ADGRL2: variants seen among roughly 807,000 people sequenced by gnomAD.
ADGRL2 encodes the protein calcium-independent alpha-latrotoxin receptor 2.
Under a neutral mutation model 157.4 loss-of-function variants are expected in ADGRL2, and 44 were observed. That is an observed-to-expected ratio of 0.28 (90% CI 0.22 to 0.36). ADGRL2 has a LOEUF of 0.36. Ranked by LOEUF, ADGRL2 falls within the 10% of genes least tolerant of loss-of-function variation. The pLI, the probability that ADGRL2 is intolerant of heterozygous loss-of-function variation, is 1.00. For missense variants in ADGRL2, 1,510 were observed against 1,768.9 expected (o/e 0.85, Z 2.63); for synonymous variants, 585 against 624.7 (o/e 0.94, Z 0.95).
At chr1:81,800,897 G>C (rs1392548070), upstream of ADGRL2, among the ~76,000 whole-genome samples, 2 of 149,506 alleles carry the variant, frequency 1.3e-5, no homozygotes, top group African/African-American at 4.9e-5. Flanking sequence ...GGGGAGGGGC[G>C]CGAGCTGGCG....
At chr1:81,336,765 G>C (rs371165225) in intron 1 of ADGRL2, among the ~76,000 whole-genome samples, 1 of 152,102 alleles carries the variant, frequency 6.6e-6, no homozygotes, top group Admixed American at 6.5e-5. Flanking sequence ...GGCAGTCCCC[G>C]GTGAGGGCCC....
chr1:81,679,946 GGTCT>G (rs1249295649), intron 3 of ADGRL2, among the ~76,000 whole-genome samples: 12 of 152,172 alleles, frequency 7.9e-5, no homozygotes, highest in Non-Finnish European at 1.8e-4. Context: ...CAACTGAGCT[GGTCT>G]ATATTGTAAG....
intron 2 of ADGRL2, among the ~76,000 whole-genome samples, chr1:81,772,114 G>T (rs1423854750): frequency 6.6e-6 from 1 of 151,946 alleles, no homozygotes; most frequent in Non-Finnish European, 1.5e-5. Context: ...GCTGGGCATA[G>T]TGGCGGGCAC....
At chr1:81,461,931 G>GGC (rs1491323721) in intron 2 of ADGRL2, among the ~76,000 whole-genome samples, 223 of 8,218 alleles carry the variant, frequency 0.027, 8 homozygotes, top group Admixed American at 0.041. Context: ...AAAGAAGAAA[G>GGC]GGGGGGGGGG....
At chr1:81,454,014 G>C (rs2077751183) in intron 2 of ADGRL2, among the ~76,000 whole-genome samples, 1 of 152,084 alleles carries the variant, frequency 6.6e-6, no homozygotes, top group African/African-American at 2.4e-5. Flanking sequence ...ATAACAATCA[G>C]TACTTATGGA....
chr1:81,336,120 C>A (rs184553358), intron 1 of ADGRL2, among the ~76,000 whole-genome samples: 5 of 152,168 alleles, frequency 3.3e-5, no homozygotes, highest in African/African-American at 1.2e-4. Context: ...TCCTGATTAA[C>A]GTTCAGTGGC....
chr1:81,507,241 C>T (rs537408482), intron 2 of ADGRL2, among the ~76,000 whole-genome samples: 9 of 152,046 alleles, frequency 5.9e-5, no homozygotes, highest in Non-Finnish European at 1.0e-4. Context: ...AGTATGAGAG[C>T]AATCACCACC....
chr1:81,896,946 G>A (rs1355949508), intron 2 of ADGRL2, among the ~76,000 whole-genome samples: 1 of 152,162 alleles, frequency 6.6e-6, no homozygotes, highest in Non-Finnish European at 1.5e-5. Flanking sequence ...TTATAGTAGT[G>A]AACCAGATAA....
chr1:81,365,242 G>A (rs1419625776), intron 1 of ADGRL2, among the ~76,000 whole-genome samples: 1 of 152,200 alleles, frequency 6.6e-6, no homozygotes, highest in Non-Finnish European at 1.5e-5. Context: ...GGAATTGGAA[G>A]ATGAAATGGT....
intron 1 of ADGRL2, among the ~76,000 whole-genome samples, chr1:81,376,182 C>G (rs1002813576): frequency 6.6e-6 from 1 of 152,164 alleles, no homozygotes; most frequent in Admixed American, 6.5e-5. Flanking sequence ...TTGTTCAATT[C>G]AAAACTGTAA....
chr1:81,989,715 T>G, intron 23 of ADGRL2: 1 of 1,609,996 alleles, frequency 6.2e-7, no homozygotes, highest in Non-Finnish European at 8.5e-7. Context: ...CCAAAGTGAG[T>G]CATTCCACCT....
chr1:81,910,905 A>G (rs1474629500), intron 3 of ADGRL2, among the ~76,000 whole-genome samples: 1 of 151,744 alleles, frequency 6.6e-6, no homozygotes, highest in Non-Finnish European at 1.5e-5. Flanking sequence ...GAATTTTTCC[A>G]TTAAATTTGA....
chr1:81,455,856 A>T (rs1005576624), intron 2 of ADGRL2, among the ~76,000 whole-genome samples: 10 of 152,246 alleles, frequency 6.6e-5, no homozygotes, highest in African/African-American at 2.4e-4. Flanking sequence ...TGAATCAAGG[A>T]TGAGGTCATA....
chr1:81,624,393 C>T (rs944294660), intron 3 of ADGRL2, among the ~76,000 whole-genome samples: 4 of 151,844 alleles, frequency 2.6e-5, no homozygotes, highest in Non-Finnish European at 5.9e-5. Flanking sequence ...CCAGCCTGGC[C>T]AACAAGGTGA....
intron 1 of ADGRL2, among the ~76,000 whole-genome samples, chr1:81,802,029 G>T (rs2088256215): frequency 6.6e-6 from 1 of 150,908 alleles, no homozygotes; most frequent in Non-Finnish European, 1.5e-5. Context: ...GGCGGCGGCC[G>T]AGCAGGAGGA....
intron 1 of ADGRL2, among the ~76,000 whole-genome samples, chr1:81,343,269 T>G (rs1662220130): frequency 6.6e-6 from 1 of 151,878 alleles, no homozygotes; most frequent in East Asian, 1.9e-4. Context: ...TTCGTATTTT[T>G]AGTAGGGACG....
intron 2 of ADGRL2, among the ~76,000 whole-genome samples, chr1:81,490,407 C>T (rs2078606880): frequency 6.6e-6 from 1 of 152,106 alleles, no homozygotes; most frequent in Admixed American, 6.5e-5. Flanking sequence ...GCTGGGATTA[C>T]AGGCATGAGC....
chr1:81,761,301 T>A (rs2085873599), intron 1 of ADGRL2, among the ~76,000 whole-genome samples: 1 of 151,942 alleles, frequency 6.6e-6, no homozygotes. Context: ...CTCCTTCATA[T>A]ATATCTATTA....
chr1:81,952,868 A>G (rs965636867), intron 9 of ADGRL2, 119 bp from the exon 10 acceptor site: 4 of 731,436 alleles, frequency 5.5e-6, no homozygotes, highest in African/African-American at 5.2e-5. Flanking sequence ...ACTCCAGAGG[A>G]CTACTGCATA....
Sources: gnomAD v4.1 joint callset for allele counts (sites outside exome capture counted in the v4.1 genomes callset) on GRCh38, gnomAD v4.1.1 for gene constraint, MANE v1.5 for transcripts, NCBI Gene and HGNC (gene_info 2026-07-23, HGNC 2026-07-21) for gene names.